The following SLC5A10 variants were observed in gnomAD, a reference collection of about 807,000 sequenced individuals.
The protein encoded by SLC5A10 is solute carrier family 5 member 10.
Under a neutral mutation model 68.9 loss-of-function variants are expected in SLC5A10, and 55 were observed. The ratio of observed to expected loss-of-function variants is 0.80; its 90% CI spans 0.64 to 1.00. SLC5A10 has a LOEUF of 1.00. Ranked by LOEUF, SLC5A10 falls within the 50% of genes least tolerant of loss-of-function variation. SLC5A10 has a pLI of 0.00. For synonymous variants in SLC5A10, 344 were observed against 344.8 expected, an observed-to-expected ratio of 1.00 and a Z score of 0.02; for missense variants, 732 against 819.3, an observed-to-expected ratio of 0.89 and a Z score of 1.30.
chr17:19,010,236 C>T (rs2043986140), intron 9 of SLC5A10, among the ~76,000 whole-genome samples: 1 of 152,074 alleles, frequency 6.6e-6, no homozygotes, highest in South Asian at 2.1e-4. Context: ...GTGCAGTTCG[C>T]CTAATAATCA....
In SLC5A10 at chr17:19,019,440, T is replaced by C. The variant is rs1363137908; in HGVS notation, c.1259T>C (p.Leu420Pro). Residue 420 changes from leucine to proline, a missense_variant, in exon 12 of 15, where the codon CTC becomes CCC. Physicochemically the swap from Leu to Pro is moderately conservative, Grantham distance 98. Coordinates refer to ENST00000395645, the MANE Select transcript of SLC5A10 (RefSeq NM_001042450.4). The part of the protein sequence containing the change: ...LLVGRLVIVA[L>P]IGVSVAWIPV... Reference sequence around the variant, plus strand: ...GCCTGCAGGCTGGTCATAGTGGCACTCATCGGCGTGAGTGTGGCCTGGATC... The same window carrying C: ...GCCTGCAGGCTGGTCATAGTGGCACCCATCGGCGTGAGTGTGGCCTGGATC... 2 of 1,611,048 alleles carry C rather than the reference T, an allele frequency of 1.2e-6. No homozygotes were observed. The highest frequency in any genetic ancestry group is 1.7e-6 in the Non-Finnish European group (2 of 1,179,848).
chr17:18,963,527 T>C (rs1447394999), intron 5 of SLC5A10, among the ~76,000 whole-genome samples: 2 of 152,262 alleles, frequency 1.3e-5, no homozygotes, highest in Admixed American at 1.3e-4. Context: ...GAATGCTAAT[T>C]GCTGGGCTTG....
Position 18,971,644 on chromosome 17 carries a change from G to A in SLC5A10, c.846+426G>A, listed in dbSNP as rs2042857703. The A allele has an allele frequency of 6.2e-7, 1 of 1,613,436 alleles. No individual in the cohort carries two copies. Among genetic ancestry groups the A allele is most frequent in the Non-Finnish European group, 8.5e-7 (1 of 1,179,950 alleles). ...TGGCTGGGCCAGCGTTTCTGGTAGAGCTCTGGACGCTGTCAGCAGCAGAGC... is the reference window on the plus strand; with the variant it reads ...TGGCTGGGCCAGCGTTTCTGGTAGAACTCTGGACGCTGTCAGCAGCAGAGC... On this transcript the variant is annotated intron_variant, in intron 8 of 14. Transcript: ENST00000395645. This position sits in a 1 kb window ranked among gnomAD's most constrained non-coding sequence, Gnocchi z 5.5.
intron 5 of SLC5A10, among the ~76,000 whole-genome samples, chr17:18,961,910 G>A (rs1710577375): frequency 6.6e-6 from 1 of 152,184 alleles, no homozygotes. Context: ...GGTCTCAGGA[G>A]TGGCCAGCAG....
At chr17:18,958,993 A>G in intron 2 of SLC5A10, 142 bp from the exon 3 acceptor site, 1 of 833,022 alleles carries the variant, frequency 1.2e-6, no homozygotes. Context: ...TCATGGGTAG[A>G]ACACACACCC....
rs535294306 is a variant in SLC5A10, at chr17:19,018,531, T to C, written c.1242-892T>C. 6.6e-5 allele frequency: 10 copies of C among 152,228 alleles called. No homozygotes were observed. Among genetic ancestry groups the C allele is most frequent in the African/African-American group, 2.2e-4 (9 of 41,424 alleles). 9.4% of individuals were successfully genotyped at this position (152,228 alleles called of 1,614,324 possible). On this transcript the variant is annotated intron_variant, in intron 11 of 14. Coordinates refer to ENST00000395645, the MANE Select transcript of SLC5A10 (RefSeq NM_001042450.4). This position sits in a 1 kb window ranked among gnomAD's most constrained non-coding sequence, Gnocchi z 4.2. ...GCACCAGGTCCCACTCATCGCCGAG[T>C]TGGGGATCCTAGGGTAGTGTCCTAC...
At chr17:18,955,080 T>G (rs1375246923) in intron 1 of SLC5A10, among the ~76,000 whole-genome samples, 1 of 79,898 alleles carries the variant, frequency 1.3e-5, no homozygotes, top group African/African-American at 5.4e-5. Context: ...AGTGAAACAC[T>G]GTATCAAAAA....
chr17:19,019,947 C>A lies in SLC5A10; in HGVS notation c.1626+19C>A. On this transcript the variant is annotated intron_variant, in intron 13 of 14. Coordinates refer to ENST00000395645, the MANE Select transcript of SLC5A10 (RefSeq NM_001042450.4). Reference sequence around the variant, plus strand: ...TGTCCAGGTGAGCCAGCCCTGACCCCTGACCCTGACCCCTAACAATTTCTT... The same window carrying A: ...TGTCCAGGTGAGCCAGCCCTGACCCATGACCCTGACCCCTAACAATTTCTT... The A allele has an allele frequency of 6.3e-7, 1 of 1,577,140 alleles. No homozygotes were observed.
chr17:18,954,765 T>C (rs946318983), intron 1 of SLC5A10, among the ~76,000 whole-genome samples: 3 of 152,114 alleles, frequency 2.0e-5, no homozygotes, highest in African/African-American at 7.2e-5. Flanking sequence ...TGCTTTCAAA[T>C]GAGCTCTAAG....
At chr17:18,965,766 G>A (rs2151996886) in intron 5 of SLC5A10, among the ~76,000 whole-genome samples, 1 of 152,336 alleles carries the variant, frequency 6.6e-6, no homozygotes, top group East Asian at 1.9e-4. Context: ...GTGGCTTGCT[G>A]CCAACAGTGT....
At chr17:18,989,730 G>T (rs1267274123) in intron 9 of SLC5A10, among the ~76,000 whole-genome samples, 1 of 152,234 alleles carries the variant, frequency 6.6e-6, no homozygotes. Context: ...TTTACAGGGG[G>T]TCTTGTCAGC....
At chr17:18,998,809 T>C (rs1242974398) in intron 9 of SLC5A10, among the ~76,000 whole-genome samples, 1 of 152,256 alleles carries the variant, frequency 6.6e-6, no homozygotes, top group Non-Finnish European at 1.5e-5. Context: ...AGGTGTCAAC[T>C]GGGCCACCTG....
In SLC5A10 at chr17:18,999,127, A is replaced by C. The variant is rs1045043745; in HGVS notation, c.983-14283A>C. Among the ~76,000 whole-genome samples, 17 of 152,092 alleles carry C rather than the reference A, an allele frequency of 1.1e-4. 2 individuals carry two copies. Among genetic ancestry groups the C allele is most frequent in the Admixed American group, 7.9e-4 (12 of 15,280 alleles). On this transcript the variant is annotated intron_variant, in intron 9 of 14. Transcript: ENST00000395645. Reference sequence around the variant, plus strand: ...ACCCCGTTTCTATTAAAAATACAAAAATTAGCTGGGCGTGGTGGCGCACAC... The same window carrying C: ...ACCCCGTTTCTATTAAAAATACAAACATTAGCTGGGCGTGGTGGCGCACAC...
In SLC5A10 at chr17:18,955,258, C is replaced by T. The variant is rs2042475345; in HGVS notation, c.111+2942C>T. Reference sequence around the variant, plus strand: ...ATGTGTAGCTCTGTCCTAAGCCCAGCTCCCCTCGTGTCCTGATGTGAAATG... The same window carrying T: ...ATGTGTAGCTCTGTCCTAAGCCCAGTTCCCCTCGTGTCCTGATGTGAAATG... On this transcript the variant is annotated intron_variant, in intron 1 of 14. Transcript: ENST00000395645. 3.9e-5 allele frequency among the ~76,000 whole-genome samples: 6 copies of T among 152,176 alleles called. No individual in the cohort carries two copies. The South Asian group carries it at 1.0e-3, about 26-fold the overall frequency.
Position 19,018,320 on chromosome 17 carries a change from G to A in SLC5A10, c.1242-1103G>A, listed in dbSNP as rs1158965940. The stretch of plus-strand genomic sequence containing the variant: ...GGGTGAGGTGCTCAGCCAGGGAGGA[G>A]CGGATGGATGCCATGCCCCAGCTTC... On this transcript the variant is annotated intron_variant, in intron 11 of 14. Coordinates refer to ENST00000395645, the MANE Select transcript of SLC5A10 (RefSeq NM_001042450.4). The surrounding 1 kb of genome is among the most constrained non-coding windows in gnomAD (Gnocchi z 4.2). 1 of 152,372 alleles carries A rather than the reference G, an allele frequency of 6.6e-6. No individual in the cohort carries two copies. The highest frequency in any genetic ancestry group is 6.5e-5 in the Admixed American group (1 of 15,288). 9.4% of individuals were successfully genotyped at this position (152,372 alleles called of 1,614,324 possible). A position where few individuals can be genotyped will look rare whatever the true frequency, so the allele number is the denominator to read the frequency against.
At chr17:19,014,140 T>C (rs1307992991) in intron 10 of SLC5A10, among the ~76,000 whole-genome samples, 2 of 152,170 alleles carry the variant, frequency 1.3e-5, no homozygotes, top group Admixed American at 1.3e-4. Context: ...GGGGGGCCTA[T>C]GTCAGGCTTA....
In SLC5A10 at chr17:19,003,940, C is replaced by A. The variant is rs758283958; in HGVS notation, c.983-9470C>A. ...GGCCGCGGGCCACCAGGGCCTCCAG[C>A]GCCAGCCGCTGCTCCTCGCTGTAGA... On this transcript the variant is annotated intron_variant, in intron 9 of 14. Coordinates refer to ENST00000395645, the MANE Select transcript of SLC5A10 (RefSeq NM_001042450.4). The surrounding 1 kb of genome is among the most constrained non-coding windows in gnomAD (Gnocchi z 4.5). The A allele has an allele frequency of 2.5e-6, 4 of 1,612,788 alleles. No homozygotes were observed. The highest frequency in any genetic ancestry group is 2.7e-5 in the African/African-American group (2 of 74,924).
chr17:18,962,543 C>T (rs975736840), intron 5 of SLC5A10, among the ~76,000 whole-genome samples: 3 of 152,098 alleles, frequency 2.0e-5, no homozygotes, highest in Non-Finnish European at 2.9e-5. Flanking sequence ...ATTTGCCTCT[C>T]GGCTGCCAGT....
chr17:18,962,495 G>A (rs1027798959), intron 5 of SLC5A10, among the ~76,000 whole-genome samples: 32 of 152,218 alleles, frequency 2.1e-4, no homozygotes, highest in African/African-American at 7.2e-4. Context: ...ACCAGAGAAC[G>A]TGCCCCAGGA....
Sources: allele counts gnomAD v4.1 joint callset (sites outside exome capture counted in the v4.1 genomes callset), GRCh38; gene constraint gnomAD v4.1.1; non-coding constraint Gnocchi (gnomAD v3.1); transcripts MANE v1.5; gene names NCBI Gene and HGNC (gene_info 2026-07-23, HGNC 2026-07-21).